ASRGL1: variants seen among roughly 807,000 people sequenced by gnomAD.
ASRGL1 encodes isoaspartyl peptidase/L-asparaginase.
ASRGL1 carries 16 observed loss-of-function variants against 22.4 expected under a neutral mutation model. The observed-to-expected ratio is 0.71, with a 90% CI of 0.48 to 1.08. The LOEUF is 1.08. Ranked by LOEUF, ASRGL1 falls within the 50% of genes least tolerant of loss-of-function variation. The pLI, the probability that ASRGL1 is intolerant of heterozygous loss-of-function variation, is 0.00. For synonymous variants in ASRGL1, 165 were observed against 159.3 expected, an observed-to-expected ratio of 1.04 and a Z score of -0.27; for missense variants, 412 against 410.1, an observed-to-expected ratio of 1.00 and a Z score of -0.04.
the ASRGL1 span, among the ~76,000 whole-genome samples, chr11:62,398,712 C>A: frequency 2.6e-5 from 4 of 152,238 alleles, no homozygotes; most frequent in African/African-American, 9.6e-5. Flanking sequence ...CATGTCTCCC[C>A]GGTGACCTCA....
At chr11:62,375,080 G>A (rs1053554236) in intron 4 of ASRGL1, among the ~76,000 whole-genome samples, 4 of 151,880 alleles carry the variant, frequency 2.6e-5, no homozygotes, top group South Asian at 2.1e-4. Context: ...ATGTAAACCC[G>A]GCAGCCAGCC....
downstream of ASRGL1, among the ~76,000 whole-genome samples, chr11:62,395,818 C>T (rs1947427313): frequency 8.0e-6 from 1 of 124,508 alleles, no homozygotes; most frequent in African/African-American, 3.0e-5. Flanking sequence ...GTCACCCAGG[C>T]TGGAGTGCAG....
chr11:62,350,029 T>G (rs1331416218), intron 2 of ASRGL1, among the ~76,000 whole-genome samples: 1 of 152,218 alleles, frequency 6.6e-6, no homozygotes, highest in African/African-American at 2.4e-5. Context: ...GCAAGGTCTT[T>G]ACGACCTGTA....
rs113522103 is a variant in ASRGL1, at chr11:62,341,494, C to T, written c.190+3327C>T. 2.5e-3 allele frequency among the ~76,000 whole-genome samples: 375 copies of T among 152,140 alleles called. 2 individuals are homozygous for T. The highest frequency in any genetic ancestry group is 8.3e-3 in the African/African-American group (344 of 41,510). On this transcript the variant is annotated intron_variant, in intron 2 of 6. Coordinates refer to ENST00000415229, the MANE Select transcript of ASRGL1 (RefSeq NM_001083926.2). ...GATTACAGGTGTGAGCCACCACGCCCGGCTGAAAACAGGATTTTTTTCATT... is the reference window on the plus strand; with the variant it reads ...GATTACAGGTGTGAGCCACCACGCCTGGCTGAAAACAGGATTTTTTTCATT...
chr11:62,380,759 C>T (rs149807001), intron 4 of ASRGL1, among the ~76,000 whole-genome samples: 306 of 152,186 alleles, frequency 2.0e-3, no homozygotes, highest in African/African-American at 7.1e-3. Flanking sequence ...TCTTTCATAT[C>T]TTTTAACATT....
intron 4 of ASRGL1, among the ~76,000 whole-genome samples, chr11:62,369,057 G>A (rs919023161): frequency 1.3e-5 from 2 of 152,112 alleles, no homozygotes; most frequent in African/African-American, 4.8e-5. Flanking sequence ...CTGGGGGACG[G>A]TCAGGTCTTT....
At chr11:62,342,783 A>T (rs1461171554) in intron 2 of ASRGL1, among the ~76,000 whole-genome samples, 1 of 152,054 alleles carries the variant, frequency 6.6e-6, no homozygotes. Flanking sequence ...TCATAAATGG[A>T]ATCACACAAT....
rs1946568871 is a variant in ASRGL1, at chr11:62,364,768, C to T, written c.491+7624C>T. 2.0e-5 allele frequency among the ~76,000 whole-genome samples: 3 copies of T among 151,972 alleles called. No homozygotes were observed. The South Asian group carries it at 6.2e-4, about 32-fold the overall frequency. ...TCTCACTTAAATATGGAATCTAAAA[C>T]AAAAAGAAACATTGAGGCTGGGAGT... On this transcript the variant is annotated intron_variant, in intron 4 of 6. Transcript: ENST00000415229.
intron 2 of ASRGL1, among the ~76,000 whole-genome samples, chr11:62,355,892 A>G (rs531674177): frequency 5.9e-5 from 9 of 152,178 alleles, no homozygotes; most frequent in African/African-American, 2.2e-4. Context: ...AATCCATTCA[A>G]CCCTGAGTGG....
chr11:62,338,322 G>T, intron 2 of ASRGL1, 155 bp downstream of exon 2: 7 of 879,456 alleles, frequency 8.0e-6, no homozygotes, highest in Admixed American at 3.4e-5. Flanking sequence ...TACCTGTGCT[G>T]AAAAGAGTCA....
chr11:62,344,881 C>T (rs1178791990), intron 2 of ASRGL1, among the ~76,000 whole-genome samples: 1 of 152,192 alleles, frequency 6.6e-6, no homozygotes, highest in Non-Finnish European at 1.5e-5. Context: ...CACTATCTCC[C>T]AGCCTCTGCT....
chr11:62,359,204 T>C (rs1946375014), intron 4 of ASRGL1, among the ~76,000 whole-genome samples: 1 of 152,124 alleles, frequency 6.6e-6, no homozygotes, highest in Admixed American at 6.6e-5. Flanking sequence ...CATTTTCTAG[T>C]GGCCACATCC....
At chr11:62,344,073 T>C (rs1945947800) in intron 2 of ASRGL1, among the ~76,000 whole-genome samples, 1 of 151,956 alleles carries the variant, frequency 6.6e-6, no homozygotes, top group Admixed American at 6.6e-5. Context: ...AATTTTTGTA[T>C]TTTTAGTAGA....
chr11:62,379,057 ATTG>A (rs1361378058), intron 4 of ASRGL1, among the ~76,000 whole-genome samples: 1 of 152,074 alleles, frequency 6.6e-6, no homozygotes, highest in Non-Finnish European at 1.5e-5. Flanking sequence ...TCTGCACCCC[ATTG>A]TTGTAATAAA....
chr11:62,365,059 C>T (rs544555316), intron 4 of ASRGL1, among the ~76,000 whole-genome samples: 26 of 145,192 alleles, frequency 1.8e-4, no homozygotes, highest in African/African-American at 6.7e-4. Flanking sequence ...ACAAGCAAAA[C>T]TCCATCTCAA....
downstream of ASRGL1, among the ~76,000 whole-genome samples, chr11:62,398,132 C>T (rs1324146862): frequency 6.6e-6 from 1 of 152,006 alleles, no homozygotes; most frequent in East Asian, 1.9e-4. Flanking sequence ...GCAGCGCTGG[C>T]CTGTGGGCTG....
At chr11:62,369,567 G>A (rs1037445736) in intron 4 of ASRGL1, among the ~76,000 whole-genome samples, 3 of 152,010 alleles carry the variant, frequency 2.0e-5, no homozygotes, top group East Asian at 1.9e-4. Context: ...GAACAGGCAT[G>A]CAAGGATTAA....
chr11:62,394,310 AAT>A (rs1016416374), downstream of ASRGL1, among the ~76,000 whole-genome samples: 5 of 140,256 alleles, frequency 3.6e-5, no homozygotes, highest in Admixed American at 7.4e-5. Flanking sequence ...ATTATATAAA[AAT>A]ATATGATATA....
At chr11:62,367,541 G>A (rs1288606812) in intron 4 of ASRGL1, among the ~76,000 whole-genome samples, 1 of 152,026 alleles carries the variant, frequency 6.6e-6, no homozygotes, top group African/African-American at 2.4e-5. Context: ...CTACTTGGGA[G>A]GCTGAGGCAG....
Sources: allele counts gnomAD v4.1 joint callset (sites outside exome capture counted in the v4.1 genomes callset), GRCh38; gene constraint gnomAD v4.1.1; transcripts MANE v1.5; gene names NCBI Gene and HGNC (gene_info 2026-07-23, HGNC 2026-07-21).